The following MTRR variants were observed in gnomAD, a reference collection of about 807,000 sequenced individuals.
MTRR encodes the protein 5-methyltetrahydrofolate-homocysteine methyltransferase reductase, also known as methionine synthase reductase.
Under a neutral mutation model 79.2 loss-of-function variants are expected in MTRR, and 63 were observed. That is an observed-to-expected ratio of 0.80 (90% CI 0.65 to 0.98). The LOEUF (loss-of-function observed/expected upper bound fraction) is 0.98, where lower values mean the gene tolerates loss of function less well. Ranked by LOEUF, MTRR falls within the 50% of genes least tolerant of loss-of-function variation. MTRR has a pLI of 0.00. For missense variants in MTRR, 895 were observed against 839.6 expected, an observed-to-expected ratio of 1.07 and a Z score of -0.82; for synonymous variants, 355 against 313.3, an observed-to-expected ratio of 1.13 and a Z score of -1.41.
upstream of MTRR, among the ~76,000 whole-genome samples, chr5:7,864,643 A>T (rs2126605226): frequency 6.6e-6 from 1 of 152,338 alleles, no homozygotes; most frequent in South Asian, 2.1e-4. Flanking sequence ...AATATGCTAA[A>T]CTTCATTAAT....
upstream of MTRR, chr5:7,850,869 C>T: frequency 1.5e-6 from 2 of 1,320,600 alleles, no homozygotes; most frequent in Middle Eastern, 2.5e-4. Context: ...AGTCCGCGGT[C>T]CTCACCCGCG....
chr5:7,858,248 A>C (rs775024696), intron 1 of MTRR, among the ~76,000 whole-genome samples: 23 of 152,282 alleles, frequency 1.5e-4, no homozygotes, highest in Non-Finnish European at 3.2e-4. Flanking sequence ...CTGAGGCCTG[A>C]TATGATCTGG....
chr5:7,858,862 C>T (rs1746342212), intron 1 of MTRR, among the ~76,000 whole-genome samples: 1 of 151,038 alleles, frequency 6.6e-6, no homozygotes, highest in African/African-American at 2.4e-5. Flanking sequence ...GAAGATCCTC[C>T]CTCCAATCAA....
At chr5:7,878,349 G>C (rs1255121200) in intron 5 of MTRR, 27 bp downstream of exon 5, 2 of 1,611,656 alleles carry the variant, frequency 1.2e-6, no homozygotes, top group Admixed American at 3.3e-5. Context: ...TTATGCTATA[G>C]ATGCTATTTA....
intron 3 of MTRR, 36 bp downstream of exon 3, chr5:7,873,562 A>C (rs755219927): frequency 1.2e-6 from 2 of 1,606,170 alleles, no homozygotes; most frequent in Non-Finnish European, 1.7e-6. Context: ...ACTATAGTAT[A>C]CTATTGATAT....
intron 1 of MTRR, among the ~76,000 whole-genome samples, chr5:7,856,554 A>C (rs1434805525): frequency 6.6e-6 from 1 of 152,040 alleles, no homozygotes; most frequent in African/African-American, 2.4e-5. Flanking sequence ...AGTATTTACT[A>C]TTTTCCAGGA....
chr5:7,893,183 T>C (rs1737929832), intron 11 of MTRR: 1 of 456,638 alleles, frequency 2.2e-6, no homozygotes, highest in Non-Finnish European at 4.0e-6. Flanking sequence ...ACCTTTTATG[T>C]TGATATTCTT....
In MTRR at chr5:7,900,929, TG is replaced by T. The variant is rs2126834337; in HGVS notation, c.*873del. 6.6e-6 allele frequency: 1 copy of T among 152,344 alleles called. No individual in the cohort carries two copies. The highest frequency in any genetic ancestry group is 1.9e-4 in the East Asian group (1 of 5,186). 9.4% of individuals were successfully genotyped at this position (152,344 alleles called of 1,614,324 possible). A position where few individuals can be genotyped will look rare whatever the true frequency, so the allele number is the denominator to read the frequency against. ...AAATACTGACTTTAGTTAGTATCCT[TG>T]GATTTTTAGATTCCCAGTGTCTAAT... On this transcript the variant is annotated 3_prime_UTR_variant, in exon 15 of 15. Transcript: ENST00000440940.
At chr5:7,855,079 A>G (rs1194734964) in intron 1 of MTRR, among the ~76,000 whole-genome samples, 2 of 152,212 alleles carry the variant, frequency 1.3e-5, no homozygotes, top group Non-Finnish European at 2.9e-5. Flanking sequence ...AATTGATCTA[A>G]TTTCTCCAAT....
chr5:7,887,709 AGTGT>A (rs1736726006), intron 8 of MTRR, among the ~76,000 whole-genome samples: 2 of 144,240 alleles, frequency 1.4e-5, no homozygotes, highest in Non-Finnish European at 3.0e-5. Flanking sequence ...ATTTGTGTAA[AGTGT>A]GTGTGTATGT....
chr5:7,875,335 C>T lies in MTRR; in HGVS notation c.361C>T (p.Arg121Trp), dbSNP rs146068484. 3.9e-5 allele frequency: 63 copies of T among 1,613,572 alleles called. No individual in the cohort carries two copies. The highest frequency in any genetic ancestry group is 1.6e-4 in the Middle Eastern group (1 of 6,084). The part of the protein sequence containing the change: ...IDKRLQELGA[R>W]HFYDTGHADD... ...TAAACGACTTCAAGAGCTTGGAGCC[C>T]GGCATTTCTATGACACTGGACATGC... is the stretch of plus-strand genomic sequence containing the variant. The change falls in exon 4 of 15, where the codon CGG becomes TGG. Residue 121 changes from arginine (R) to tryptophan (W), a missense_variant. Arg to Trp is a moderately radical substitution (Grantham distance 101). Transcript: ENST00000440940.
rs146940932 is a variant in MTRR at position 7,873,375 on chromosome 5, T to C, written c.132T>C (p.Tyr44=). Residue 44 remains tyrosine, a splice_region_variant and synonymous_variant, in exon 3 of 15, where the codon TAT becomes TAC. Coordinates refer to ENST00000440940, the MANE Select transcript of MTRR (RefSeq NM_002454.3). ...GACTTGATATCCTTGTTTTGTAGTA[T>C]GACCTAAAAACCGAAACAGCTCCTC... is the stretch of plus-strand genomic sequence containing the variant. ...DLHCISESDK[Y]DLKTETAPLV... is the part of the protein sequence containing the mutation. 7.4e-6 allele frequency: 12 copies of C among 1,614,064 alleles called. 1 individual carries two copies. In the African/African-American group the frequency reaches 1.2e-4, roughly 16 times the overall value.
chr5:7,860,575 C>A (rs960565211), intron 1 of MTRR, among the ~76,000 whole-genome samples: 1 of 152,036 alleles, frequency 6.6e-6, no homozygotes, highest in Admixed American at 6.5e-5. Flanking sequence ...AAATATAAGT[C>A]AAGAGATTTA....
intron 9 of MTRR, among the ~76,000 whole-genome samples, chr5:7,889,531 C>T (rs1375167070): frequency 1.3e-5 from 2 of 151,940 alleles, no homozygotes; most frequent in African/African-American, 4.8e-5. Context: ...TTTTTCCTTC[C>T]AGCAGTGTCA....
At chr5:7,890,849 A>G (rs1455131835) in intron 9 of MTRR, among the ~76,000 whole-genome samples, 1 of 152,200 alleles carries the variant, frequency 6.6e-6, no homozygotes, top group Non-Finnish European at 1.5e-5. Flanking sequence ...TTTTTTTGAT[A>G]AATTTTTAAA....
chr5:7,871,586 G>A (rs1476865361), intron 2 of MTRR, among the ~76,000 whole-genome samples: 1 of 152,206 alleles, frequency 6.6e-6, no homozygotes, highest in African/African-American at 2.4e-5. Context: ...CCGCTAAGCA[G>A]TTAAAATTCA....
intron 4 of MTRR, among the ~76,000 whole-genome samples, chr5:7,875,704 C>G (rs970016413): frequency 6.6e-6 from 1 of 152,226 alleles, no homozygotes; most frequent in Non-Finnish European, 1.5e-5. Flanking sequence ...GCATGTGCTT[C>G]TCTCTGCCAT....
At chr5:7,868,161 C>A, upstream of MTRR, 1 of 700,596 alleles carries the variant, frequency 1.4e-6, no homozygotes, top group Non-Finnish European at 2.1e-6. Flanking sequence ...ACATGATTGA[C>A]CCAACATCAA....
Position 7,871,655 on chromosome 5 carries a change from C to G in MTRR, c.129+732C>G, listed in dbSNP as rs554376386. Among the ~76,000 whole-genome samples the G allele has an allele frequency of 8.5e-5, 13 of 152,324 alleles. No individual in the cohort carries two copies. In the South Asian group the frequency reaches 2.7e-3, roughly 32 times the overall value. On this transcript the variant is annotated intron_variant, in intron 2 of 14. Coordinates refer to ENST00000440940, the MANE Select transcript of MTRR (RefSeq NM_002454.3). The stretch of plus-strand genomic sequence containing the variant: ...CTCTCACCCAAGTGCACAACCCTCT[C>G]TGGCCTTTCCTAAAACTCCAGTTCA...
Sources: allele counts gnomAD v4.1 joint callset (sites outside exome capture counted in the v4.1 genomes callset), GRCh38; gene constraint gnomAD v4.1.1; transcripts MANE v1.5; gene names NCBI Gene and HGNC (gene_info 2026-07-23, HGNC 2026-07-21).